The following GOLM2 variants were observed in gnomAD, a reference collection of about 807,000 sequenced individuals.
GOLM2 encodes the protein golgi membrane protein 2.
A neutral mutation model predicts 55.9 loss-of-function variants in GOLM2; 26 were observed. The ratio of observed to expected loss-of-function variants is 0.47; its 90% CI spans 0.34 to 0.65. The LOEUF (loss-of-function observed/expected upper bound fraction) is 0.65. Ranked by LOEUF, GOLM2 falls within the 30% of genes least tolerant of loss-of-function variation. GOLM2 has a pLI of 0.01. For missense variants in GOLM2, 486 were observed against 531.8 expected (o/e 0.91, Z 0.85); for synonymous variants, 165 against 194.6 (o/e 0.85, Z 1.27).
chr15:44,297,786 T>C (rs1453326684), intron 1 of GOLM2, among the ~76,000 whole-genome samples: 2 of 150,928 alleles, frequency 1.3e-5, no homozygotes, highest in African/African-American at 4.9e-5. Flanking sequence ...ATGGTCTCCA[T>C]CTTGATCTCC....
Position 44,288,734 on chromosome 15 carries a change from T to G in GOLM2, c.-296T>G. The G allele has an allele frequency of 9.8e-6, 4 of 406,650 alleles. No individual in the cohort carries two copies. The highest frequency in any genetic ancestry group is 4.4e-5 in the East Asian group (1 of 22,486). The allele number at this position is 406,650 out of a possible 1,614,324, so 25.2% of individuals were successfully genotyped here. On this transcript the variant is annotated 5_prime_UTR_variant, in exon 1 of 10. Coordinates refer to ENST00000299957, the MANE Select transcript of GOLM2 (RefSeq NM_138423.4). ...GGTTTTTTTCCCCGCCTCCCAACCG[T>G]GAGGTGTTGGGTTTGGGGGACGCTG...
chr15:44,342,184 C>T (rs1452680738), intron 6 of GOLM2, among the ~76,000 whole-genome samples: 2 of 151,534 alleles, frequency 1.3e-5, no homozygotes, highest in Admixed American at 1.3e-4. Flanking sequence ...TAAAAAATGT[C>T]ACCATATGCA....
intron 6 of GOLM2, among the ~76,000 whole-genome samples, chr15:44,349,945 A>G (rs1168818157): frequency 1.3e-5 from 2 of 152,200 alleles, no homozygotes; most frequent in East Asian, 3.8e-4. Context: ...CTTGAAACAA[A>G]CATAATGGAA....
Position 44,289,508 on chromosome 15 carries a change from CT to C in GOLM2, c.327+156del, listed in dbSNP as rs575532970. The C allele has an allele frequency of 1.3e-3, 934 of 734,044 alleles. 6 individuals are homozygous for C. In the African/African-American group the frequency reaches 0.015, roughly 12 times the overall value. 45.5% of individuals were successfully genotyped at this position (734,044 alleles called of 1,614,324 possible). ...CCCCAACAACCCTGTTTCTGTCAGA[CT>C]TTTCCCAGTTTATCAGTGCCACGTT... On this transcript the variant is annotated intron_variant, in intron 1 of 9. Transcript: ENST00000299957. This position sits in a 1 kb window ranked among gnomAD's most constrained non-coding sequence, Gnocchi z 4.8.
chr15:44,294,139 C>T (rs1162237238), intron 1 of GOLM2, among the ~76,000 whole-genome samples: 1 of 152,176 alleles, frequency 6.6e-6, no homozygotes, highest in Non-Finnish European at 1.5e-5. Flanking sequence ...ATACCCTACA[C>T]CCAGTTTCAT....
At position 44,290,141 on chromosome 15, in the gene GOLM2, A is replaced by T. The variant is rs1464451006; in HGVS notation, c.327+785A>T. 7.2e-5 allele frequency among the ~76,000 whole-genome samples: 11 copies of T among 152,358 alleles called. 1 individual carries two copies. In the East Asian group the frequency reaches 1.7e-3, roughly 24 times the overall value. On this transcript the variant is annotated intron_variant, in intron 1 of 9. Coordinates refer to ENST00000299957, the MANE Select transcript of GOLM2 (RefSeq NM_138423.4). ...TGGTGTTTTATGCAGATGGAAAACT[A>T]TACAAAGTTTTAAATATAAAAAGTT...
chr15:44,376,775 T>C (rs2079367539), intron 6 of GOLM2, among the ~76,000 whole-genome samples: 1 of 151,756 alleles, frequency 6.6e-6, no homozygotes, highest in South Asian at 2.1e-4. Context: ...ATTACCTCTT[T>C]TTTTAATTTT....
At chr15:44,375,366 A>C (rs572631402) in intron 6 of GOLM2, among the ~76,000 whole-genome samples, 1 of 152,098 alleles carries the variant, frequency 6.6e-6, no homozygotes, top group South Asian at 2.1e-4. Context: ...TTTGCAGTCT[A>C]CTCTGCATCT....
intron 6 of GOLM2, among the ~76,000 whole-genome samples, chr15:44,345,176 C>T (rs2079115661): frequency 6.6e-6 from 1 of 151,972 alleles, no homozygotes; most frequent in South Asian, 2.1e-4. Flanking sequence ...ATGGTGCGAT[C>T]TCAGCTCACT....
intron 1 of GOLM2, among the ~76,000 whole-genome samples, chr15:44,303,236 A>T (rs2078811980): frequency 6.6e-6 from 1 of 152,154 alleles, no homozygotes; most frequent in African/African-American, 2.4e-5. Flanking sequence ...AGCAATTTGT[A>T]TTGCTTCTTG....
At chr15:44,321,577 A>G (rs2078950075) in intron 1 of GOLM2, among the ~76,000 whole-genome samples, 1 of 152,044 alleles carries the variant, frequency 6.6e-6, no homozygotes, top group African/African-American at 2.4e-5. Context: ...ATCTGCACAT[A>G]TTTTAAAATG....
At chr15:44,407,679 G>A (rs2141218701) in intron 9 of GOLM2, among the ~76,000 whole-genome samples, 1 of 151,748 alleles carries the variant, frequency 6.6e-6, no homozygotes, top group African/African-American at 2.4e-5. Context: ...AAACTCCTGA[G>A]CTCAAGCTAT....
intron 6 of GOLM2, among the ~76,000 whole-genome samples, chr15:44,367,727 G>A (rs973418891): frequency 1.3e-5 from 2 of 151,876 alleles, no homozygotes; most frequent in South Asian, 2.1e-4. Context: ...CCCAGGAGGT[G>A]GAGGTTGCAG....
intron 1 of GOLM2, among the ~76,000 whole-genome samples, chr15:44,322,421 T>G (rs952160948): frequency 3.3e-5 from 5 of 149,992 alleles, no homozygotes; most frequent in Admixed American, 6.6e-5. Flanking sequence ...AATCTGCCTG[T>G]GCCTTCCAAA....
At chr15:44,357,888 A>T (rs2141167687) in intron 6 of GOLM2, among the ~76,000 whole-genome samples, 1 of 152,358 alleles carries the variant, frequency 6.6e-6, no homozygotes, top group Admixed American at 6.5e-5. Flanking sequence ...ACTCTAAGGA[A>T]TGAAATCAAA....
chr15:44,314,118 T>G (rs1190608503), intron 1 of GOLM2, among the ~76,000 whole-genome samples: 1 of 151,260 alleles, frequency 6.6e-6, no homozygotes, highest in Non-Finnish European at 1.5e-5. Context: ...GCGCCTGTAG[T>G]CCCAGCTACT....
At chr15:44,372,843 C>G (rs145013060) in intron 6 of GOLM2, among the ~76,000 whole-genome samples, 89 of 152,256 alleles carry the variant, frequency 5.8e-4, no homozygotes, top group Middle Eastern at 6.8e-3. Context: ...AGCTTCTCCT[C>G]AAATATGCTG....
intron 1 of GOLM2, among the ~76,000 whole-genome samples, chr15:44,298,976 G>GC (rs2078777789): frequency 6.6e-6 from 1 of 152,240 alleles, no homozygotes; most frequent in Non-Finnish European, 1.5e-5. Flanking sequence ...TGAATACACA[G>GC]AGACACACAG....
In GOLM2 at chr15:44,413,569, T is replaced by C. The variant is rs2079652959; in HGVS notation, c.*163T>C. 7.6e-6 allele frequency: 4 copies of C among 525,528 alleles called. No homozygotes were observed. In the South Asian group the frequency reaches 9.4e-5, roughly 12 times the overall value. The allele number at this position is 525,528 out of a possible 1,614,324, so 32.6% of individuals were successfully genotyped here. A position where few individuals can be genotyped will look rare whatever the true frequency, so the allele number is the denominator to read the frequency against. On this transcript the variant is annotated 3_prime_UTR_variant, in exon 10 of 10. Coordinates refer to ENST00000299957, the MANE Select transcript of GOLM2 (RefSeq NM_138423.4). ...ATGAAGGAATGTACCCATGTACATA[T>C]GTGAACTTTTTCATATTGTATTATC... is the stretch of plus-strand genomic sequence containing the variant.
Sources: gnomAD v4.1 joint callset for allele counts (sites outside exome capture counted in the v4.1 genomes callset) on GRCh38, gnomAD v4.1.1 for gene constraint, Gnocchi (gnomAD v3.1) non-coding constraint, MANE v1.5 for transcripts, NCBI Gene and HGNC (gene_info 2026-07-23, HGNC 2026-07-21) for gene names.